The following CBFA2T2 variants were observed in gnomAD, a reference collection of about 807,000 sequenced individuals.
CBFA2T2 encodes protein CBFA2T2.
CBFA2T2 carries 11 observed loss-of-function variants against 62.2 expected under a neutral mutation model. The observed-to-expected ratio is 0.18, with a 90% confidence interval of 0.11 to 0.29. The LOEUF (loss-of-function observed/expected upper bound fraction) is 0.29. Ranked by LOEUF, CBFA2T2 falls within the 10% of genes least tolerant of loss-of-function variation. CBFA2T2 has a pLI of 1.00. For missense variants in CBFA2T2, 592 were observed against 774.1 expected (o/e 0.76, Z 2.79); for synonymous variants, 295 against 287.5 (o/e 1.03, Z -0.27).
chr20:33,526,831 T>A (rs945791103), intron 1 of CBFA2T2, among the ~76,000 whole-genome samples: 1 of 152,202 alleles, frequency 6.6e-6, no homozygotes, highest in African/African-American at 2.4e-5. Flanking sequence ...GTTAGCAGTT[T>A]GTGTGGTTGG....
chr20:33,532,544 A>G (rs1249036499), intron 1 of CBFA2T2, among the ~76,000 whole-genome samples: 1 of 152,232 alleles, frequency 6.6e-6, no homozygotes, highest in Admixed American at 6.5e-5. Flanking sequence ...ATGTAAGTCA[A>G]TTTCAGTTAT....
intron 1 of CBFA2T2, among the ~76,000 whole-genome samples, chr20:33,551,074 C>T (rs1185721387): frequency 3.3e-5 from 5 of 152,050 alleles, no homozygotes; most frequent in Non-Finnish European, 5.9e-5. Flanking sequence ...AGAGCTCATT[C>T]GACGGAAGTG....
rs539688105 is a variant in CBFA2T2, at chr20:33,514,216, T to G, written c.34+23915T>G. Among the ~76,000 whole-genome samples, 744 of 129,050 alleles carry G rather than the reference T, an allele frequency of 5.8e-3. 9 individuals are homozygous for G. Among genetic ancestry groups the G allele is most frequent in the African/African-American group, 0.02 (686 of 34,484 alleles). The allele number at this position is 129,050 out of a possible 152,430, so 84.7% of individuals were successfully genotyped here. ...CCGTGCCCTGCCTTTGTTTTTTTTT[T>G]TTTTTTTTTTTTTTTTGAGATAGAG... On this transcript the variant is annotated intron_variant, in intron 1 of 10. Transcript: ENST00000342704.
rs544838236 is a variant in CBFA2T2 at position 33,623,294 on chromosome 20, G to A, written c.690G>A (p.Glu230=). 6.2e-7 allele frequency: 1 copy of A among 1,614,212 alleles called. No homozygotes were observed. Among genetic ancestry groups the A allele is most frequent in the South Asian group, 1.1e-5 (1 of 91,086 alleles). ...VHGNGKRPSP[E]RREENSFDRD... The stretch of plus-strand genomic sequence containing the variant: ...GAAATGGGAAGAGGCCCAGTCCAGA[G>A]AGGTGAGCAGATGAGCTTTGCTGTC... The change falls in exon 5 of 11, where the codon GAG becomes GAA. Residue 230 remains glutamate, a splice_region_variant and synonymous_variant. Transcript: ENST00000342704.
intron 8 of CBFA2T2, among the ~76,000 whole-genome samples, chr20:33,633,609 T>G (rs1037229477): frequency 6.6e-6 from 1 of 152,194 alleles, no homozygotes; most frequent in African/African-American, 2.4e-5. Flanking sequence ...AGCAGTGTAT[T>G]TAGGTGTCAT....
In CBFA2T2 at chr20:33,645,592, T is replaced by G. The variant is rs750481193; in HGVS notation, c.*946T>G. ...CAGACCACACACATCTGGAACGCTG[T>G]GGGCATCTTCTGCCCATGGGCTCCA... On this transcript the variant is annotated 3_prime_UTR_variant, in exon 11 of 11. Transcript: ENST00000342704. 1 of 152,220 alleles carries G rather than the reference T, an allele frequency of 6.6e-6. No homozygotes were observed. Among genetic ancestry groups the G allele is most frequent in the East Asian group, 1.9e-4 (1 of 5,196 alleles). 9.4% of individuals were successfully genotyped at this position (152,220 alleles called of 1,614,324 possible). A position where few individuals can be genotyped will look rare whatever the true frequency, so the allele number is the denominator to read the frequency against.
At chr20:33,554,600 C>CTTTTTTT (rs752877501) in intron 1 of CBFA2T2, among the ~76,000 whole-genome samples, 60 of 56,250 alleles carry the variant, frequency 1.1e-3, no homozygotes, top group Admixed American at 1.3e-3. Context: ...TTTTTCTTTT[C>CTTTTTTT]TTTTTTTTTT....
chr20:33,600,182 GTTTTTTTTTTTTTTTTT>G (rs1183371343), intron 1 of CBFA2T2, among the ~76,000 whole-genome samples: 1 of 62,048 alleles, frequency 1.6e-5, no homozygotes, highest in African/African-American at 6.5e-5. Flanking sequence ...CTTTTGGAAA[GTTTTTTTTTTTTTTTTT>G]TTTTTTTTTT....
chr20:33,566,380 C>T (rs1389049974), intron 1 of CBFA2T2, among the ~76,000 whole-genome samples: 3 of 152,108 alleles, frequency 2.0e-5, no homozygotes, highest in Non-Finnish European at 2.9e-5. Flanking sequence ...CCGAAGTGAG[C>T]GGATTACTTG....
At chr20:33,522,987 G>T (rs2146863168) in intron 1 of CBFA2T2, among the ~76,000 whole-genome samples, 1 of 152,238 alleles carries the variant, frequency 6.6e-6, no homozygotes, top group Admixed American at 6.5e-5. Context: ...AAATACAGAA[G>T]TTTGATAAGC....
chr20:33,544,698 C>T (rs1568810606), intron 1 of CBFA2T2, among the ~76,000 whole-genome samples: 1 of 151,998 alleles, frequency 6.6e-6, no homozygotes, highest in Non-Finnish European at 1.5e-5. Flanking sequence ...AGGCACCTGC[C>T]GCCACGCCTG....
At position 33,636,629 on chromosome 20, in the gene CBFA2T2, C is replaced by G; in HGVS notation, c.1229-11C>G. The G allele has an allele frequency of 6.2e-7, 1 of 1,610,068 alleles. No individual in the cohort carries two copies. Among genetic ancestry groups the G allele is most frequent in the Non-Finnish European group, 8.5e-7 (1 of 1,176,768 alleles). On this transcript the variant is annotated splice_polypyrimidine_tract_variant and intron_variant, in intron 8 of 10. Transcript: ENST00000342704. ...GCTTCTGACCCTATGCTTTTTATGT[C>G]TCTTCTGCAGATTCTCAGAGAGAGT...
intron 1 of CBFA2T2, among the ~76,000 whole-genome samples, chr20:33,515,525 TA>T (rs1425302012): frequency 6.6e-6 from 1 of 152,024 alleles, no homozygotes; most frequent in African/African-American, 2.4e-5. Context: ...TTTTTATTTT[TA>T]TTTTTTTATT....
intron 1 of CBFA2T2, among the ~76,000 whole-genome samples, chr20:33,533,225 G>A (rs1280967261): frequency 2.0e-5 from 3 of 152,134 alleles, no homozygotes; most frequent in Non-Finnish European, 4.4e-5. Context: ...CTGCAATCAA[G>A]ATAGTCAACA....
At chr20:33,541,787 T>A (rs191253345) in intron 1 of CBFA2T2, among the ~76,000 whole-genome samples, 78 of 152,356 alleles carry the variant, frequency 5.1e-4, no homozygotes, top group African/African-American at 1.3e-3. Context: ...TTTTACTTGT[T>A]ACTTTTTATT....
intron 1 of CBFA2T2, among the ~76,000 whole-genome samples, chr20:33,537,615 T>C (rs1009895946): frequency 2.6e-5 from 4 of 152,214 alleles, no homozygotes; most frequent in African/African-American, 9.6e-5. Flanking sequence ...TTGTATGTTT[T>C]TTTCTGGAAT....
At chr20:33,624,151 G>A (rs555809061) in intron 5 of CBFA2T2, among the ~76,000 whole-genome samples, 2 of 148,460 alleles carry the variant, frequency 1.3e-5, no homozygotes, top group Non-Finnish European at 3.0e-5. Flanking sequence ...AACTCCCTAT[G>A]AGTGGCTATC....
At chr20:33,514,208 T>TTTG (rs1328993824) in intron 1 of CBFA2T2, among the ~76,000 whole-genome samples, 1 of 114,234 alleles carries the variant, frequency 8.8e-6, no homozygotes, top group African/African-American at 3.6e-5. Flanking sequence ...CTGCCTTTGT[T>TTTG]TTTTTTTTTT....
chr20:33,636,907 G>C (rs6120334), intron 9 of CBFA2T2, among the ~76,000 whole-genome samples, 199 bp downstream of exon 9: 2 of 152,188 alleles, frequency 1.3e-5, no homozygotes, highest in African/African-American at 2.4e-5. Flanking sequence ...TTGCAGGTCA[G>C]GAGTTTGGAA....
Sources: allele counts gnomAD v4.1 joint callset (sites outside exome capture counted in the v4.1 genomes callset), GRCh38; gene constraint gnomAD v4.1.1; transcripts MANE v1.5; gene names NCBI Gene and HGNC (gene_info 2026-07-23, HGNC 2026-07-21).